XKR3: variants seen among roughly 807,000 people sequenced by gnomAD.
The protein encoded by XKR3 is XK-related protein 3.
Under a neutral mutation model 40.3 loss-of-function variants are expected in XKR3, and 27 were observed. The observed-to-expected ratio is 0.67, with a 90% CI of 0.49 to 0.92. The LOEUF is 0.92. Among genes scored for constraint, XKR3 ranks in the 40% least tolerant of loss-of-function variants. The pLI is 0.00. For missense variants in XKR3, 472 were observed against 537.6 expected, an observed-to-expected ratio of 0.88 and a Z score of 1.21; for synonymous variants, 193 against 195.4, an observed-to-expected ratio of 0.99 and a Z score of 0.10.
chr22:16,815,948 T>C (rs2146177251), intron 1 of XKR3, among the ~76,000 whole-genome samples: 1 of 152,060 alleles, frequency 6.6e-6, no homozygotes, highest in Admixed American at 6.5e-5. Flanking sequence ...TCTATTATTG[T>C]CCCTCCTTAT....
At chr22:16,785,563 TA>T (rs1388763519) in intron 3 of XKR3, among the ~76,000 whole-genome samples, 133 of 150,738 alleles carry the variant, frequency 8.8e-4, no homozygotes, top group African/African-American at 2.4e-3. Flanking sequence ...ACATGCAGGT[TA>T]AAAAAAAATA....
chr22:16,818,982 T>C (rs1371861378), intron 1 of XKR3, among the ~76,000 whole-genome samples: 1 of 152,080 alleles, frequency 6.6e-6, no homozygotes, highest in African/African-American at 2.4e-5. Context: ...GTCAGCAATC[T>C]GCTATTTCCC....
intron 1 of XKR3, among the ~76,000 whole-genome samples, chr22:16,816,931 A>G (rs1472517642): frequency 2.6e-5 from 4 of 152,040 alleles, no homozygotes; most frequent in African/African-American, 9.7e-5. Flanking sequence ...TATTGCAAGG[A>G]AGAGACTCAT....
chr22:16,819,077 T>TA (rs200587108), intron 1 of XKR3, among the ~76,000 whole-genome samples: 171 of 150,328 alleles, frequency 1.1e-3, no homozygotes, highest in African/African-American at 3.3e-3. Context: ...TGATATACAT[T>TA]AAAAAAAAAC....
chr22:16,800,026 T>TTA lies in XKR3; in HGVS notation c.336-3_336-2insTA, dbSNP rs1251784921. 2 of 1,611,724 alleles carry TTA rather than the reference T, an allele frequency of 1.2e-6. No individual in the cohort carries two copies. Among genetic ancestry groups the TTA allele is most frequent in the African/African-American group, 2.7e-5 (2 of 74,812 alleles). On this transcript the variant is annotated splice_region_variant and splice_polypyrimidine_tract_variant and intron_variant, in intron 2 of 3. Coordinates refer to ENST00000684488, the MANE Select transcript of XKR3 (RefSeq NM_001386955.1). The stretch of plus-strand genomic sequence containing the variant: ...TAATTTCTAATGGTGTGCAAACACC[T>TTA]GTTAACATGAAGTAACATCCAAGAT...
In XKR3 at chr22:16,800,028, T is replaced by C; in HGVS notation, c.336-4A>G. On this transcript the variant is annotated splice_polypyrimidine_tract_variant and splice_region_variant and intron_variant, in intron 2 of 3. Transcript: ENST00000684488. ...ATTTCTAATGGTGTGCAAACACCTG[T>C]TAACATGAAGTAACATCCAAGATTA... The C allele has an allele frequency of 6.2e-7, 1 of 1,611,862 alleles. No individual in the cohort carries two copies. Among genetic ancestry groups the C allele is most frequent in the Non-Finnish European group, 8.5e-7 (1 of 1,178,476 alleles).
chr22:16,788,306 G>T (rs1381523262), intron 3 of XKR3, among the ~76,000 whole-genome samples: 1 of 152,070 alleles, frequency 6.6e-6, no homozygotes, highest in African/African-American at 2.4e-5. Context: ...TAAAGGGAAA[G>T]TTATGGCAAT....
intron 2 of XKR3, among the ~76,000 whole-genome samples, chr22:16,806,510 T>C (rs1264003289): frequency 7.0e-6 from 1 of 142,150 alleles, no homozygotes; most frequent in Non-Finnish European, 1.5e-5. Context: ...CTCTGTTGCC[T>C]AGGCGCAACT....
Position 16,783,675 on chromosome 22 carries a change from G to T in XKR3, c.1324C>A (p.His442Asn), listed in dbSNP as rs5748622. 1,390,638 of 1,611,482 alleles carry T rather than the reference G, an allele frequency of 0.86. 601,316 individuals are homozygous for T. The highest frequency in any genetic ancestry group is 0.96 in the Middle Eastern group (5,776 of 6,024). ...AAATATCCAACCCTATTGCAGGAGT[G>T]ACAGTAATTCCTCAGCTGCTTATTT... Reference protein sequence around the residue: ...NKNKQLRNYCHSCNRVGYFSI... With the variant: ...NKNKQLRNYCNSCNRVGYFSI... The change falls in exon 4 of 4, where the codon CAC becomes AAC. Residue 442 changes from histidine to asparagine, a missense_variant. Physicochemically the swap from His to Asn is moderately conservative, Grantham distance 68. Coordinates refer to ENST00000684488, the MANE Select transcript of XKR3 (RefSeq NM_001386955.1).
chr22:16,811,918 A>T (rs575942160), intron 1 of XKR3, among the ~76,000 whole-genome samples: 1 of 152,172 alleles, frequency 6.6e-6, no homozygotes, highest in Non-Finnish European at 1.5e-5. Flanking sequence ...CTGAGGCAGG[A>T]GAATGGTGTG....
At chr22:16,804,096 T>TA (rs2060180064) in intron 2 of XKR3, among the ~76,000 whole-genome samples, 1 of 152,056 alleles carries the variant, frequency 6.6e-6, no homozygotes, top group South Asian at 2.1e-4. Flanking sequence ...GAAAAAATCA[T>TA]TTTGCAAAAT....
At chr22:16,808,233 C>T in intron 1 of XKR3, 150 bp from the exon 2 acceptor site, 1 of 548,992 alleles carries the variant, frequency 1.8e-6, no homozygotes, top group Non-Finnish European at 3.1e-6. Flanking sequence ...AAATCCATGT[C>T]TGGTTTAGGG....
intron 3 of XKR3, among the ~76,000 whole-genome samples, chr22:16,792,855 C>T (rs2060126089): frequency 6.6e-6 from 1 of 152,188 alleles, no homozygotes. Flanking sequence ...ACCAGCACTT[C>T]CCTCTTAAAC....
At chr22:16,813,084 A>T (rs1394796991) in intron 1 of XKR3, among the ~76,000 whole-genome samples, 3 of 152,118 alleles carry the variant, frequency 2.0e-5, no homozygotes, top group African/African-American at 7.2e-5. Context: ...GGAGATAGAG[A>T]TCATCCTGGT....
At chr22:16,806,508 C>A (rs1409958798) in intron 2 of XKR3, among the ~76,000 whole-genome samples, 1 of 127,072 alleles carries the variant, frequency 7.9e-6, no homozygotes, top group Non-Finnish European at 1.6e-5. Context: ...TGCTCTGTTG[C>A]CTAGGCGCAA....
chr22:16,791,891 C>T (rs1387751226), intron 3 of XKR3, among the ~76,000 whole-genome samples: 2 of 145,154 alleles, frequency 1.4e-5, no homozygotes, highest in African/African-American at 5.2e-5. Flanking sequence ...ATTACACTGA[C>T]CACTGGTACC....
chr22:16,784,159 C>A lies in XKR3; in HGVS notation c.840G>T (p.Trp280Cys). 6.2e-7 allele frequency: 1 copy of A among 1,614,146 alleles called. No individual in the cohort carries two copies. Among genetic ancestry groups the A allele is most frequent in the Non-Finnish European group, 8.5e-7 (1 of 1,180,032 alleles). Reference sequence around the variant, plus strand: ...GAGCTCCACTTTTCCAAAACTCCAGCCACGGTGCCAACAATGATACAAAAT... The same window carrying A: ...GAGCTCCACTTTTCCAAAACTCCAGACACGGTGCCAACAATGATACAAAAT... The part of the protein sequence containing the change: ...IIYFVSLLAP[W>C]LEFWKSGAHL... The change falls in exon 4 of 4, where the codon TGG (tryptophan) becomes TGT (cysteine). Residue 280 changes from tryptophan to cysteine, a missense_variant. Coordinates refer to ENST00000684488, the MANE Select transcript of XKR3 (RefSeq NM_001386955.1).
chr22:16,797,221 A>C (rs1044653270), intron 3 of XKR3, among the ~76,000 whole-genome samples: 166 of 152,360 alleles, frequency 1.1e-3, no homozygotes, highest in African/African-American at 3.8e-3. Context: ...AAAATTGTGG[A>C]AAATAACCTA....
At chr22:16,824,303 C>T (rs1375302234) in intron 1 of XKR3, among the ~76,000 whole-genome samples, 1 of 149,290 alleles carries the variant, frequency 6.7e-6, no homozygotes, top group East Asian at 2.1e-4. Context: ...TATCTAGAGG[C>T]ACCATAAAAA....
Sources: gnomAD v4.1 joint callset for allele counts (sites outside exome capture counted in the v4.1 genomes callset) on GRCh38, gnomAD v4.1.1 for gene constraint, MANE v1.5 for transcripts, NCBI Gene and HGNC (gene_info 2026-07-23, HGNC 2026-07-21) for gene names.